The following NCKAP5 variants were observed in gnomAD, a reference collection of about 807,000 sequenced individuals.
NCKAP5 encodes the protein nck-associated protein 5.
NCKAP5 carries 92 observed loss-of-function variants against 167.0 expected under a neutral mutation model. That is an observed-to-expected ratio of 0.55 (90% CI 0.47 to 0.66). The LOEUF is 0.66. Ranked by LOEUF, NCKAP5 falls within the 30% of genes least tolerant of loss-of-function variation. The pLI, the probability that NCKAP5 is intolerant of heterozygous loss-of-function variation, is 0.00. For synonymous variants in NCKAP5, 891 were observed against 877.4 expected, an observed-to-expected ratio of 1.02 and a Z score of -0.27; for missense variants, 2,378 against 2,315.0, an observed-to-expected ratio of 1.03 and a Z score of -0.56.
intron 19 of NCKAP5, among the ~76,000 whole-genome samples, chr2:132,680,274 C>T (rs1162549719): frequency 3.9e-5 from 6 of 152,258 alleles, no homozygotes; most frequent in Admixed American, 6.5e-5. Context: ...ACCACACTCA[C>T]GGAGATGTGA....
chr2:133,558,655 A>C (rs563639191), intron 2 of NCKAP5, among the ~76,000 whole-genome samples: 1 of 145,600 alleles, frequency 6.9e-6, no homozygotes, highest in South Asian at 2.3e-4. Context: ...AACGAAATGC[A>C]GAGATGATAA....
chr2:133,655,434 C>G, the NCKAP5 span, among the ~76,000 whole-genome samples: 79 of 152,252 alleles, frequency 5.2e-4, no homozygotes, highest in African/African-American at 1.9e-3. Flanking sequence ...AGAACAGAGC[C>G]TCGTACATAC....
chr2:133,184,495 G>A (rs754880933), intron 5 of NCKAP5, among the ~76,000 whole-genome samples: 3 of 152,116 alleles, frequency 2.0e-5, no homozygotes, highest in Non-Finnish European at 4.4e-5. Context: ...TAATCGGATT[G>A]CGGGGTCCAA....
intron 3 of NCKAP5, among the ~76,000 whole-genome samples, chr2:133,498,247 G>C (rs1274716451): frequency 6.6e-6 from 1 of 152,102 alleles, no homozygotes; most frequent in Non-Finnish European, 1.5e-5. Flanking sequence ...CAGAAGTTAG[G>C]GTCAGAGCAA....
chr2:133,608,991 A>G, the NCKAP5 span, among the ~76,000 whole-genome samples: 2 of 152,216 alleles, frequency 1.3e-5, no homozygotes, highest in African/African-American at 4.8e-5. Context: ...TGCACAAACT[A>G]TCTAATCAGT....
intron 16 of NCKAP5, among the ~76,000 whole-genome samples, chr2:132,766,958 C>T (rs1163015906): frequency 3.3e-5 from 5 of 152,148 alleles, no homozygotes; most frequent in African/African-American, 7.2e-5. Flanking sequence ...GGATGATAAA[C>T]GCTTATAAGA....
chr2:132,786,272 T>A (rs1683561518), intron 13 of NCKAP5, among the ~76,000 whole-genome samples: 1 of 152,168 alleles, frequency 6.6e-6, no homozygotes, highest in Non-Finnish European at 1.5e-5. Flanking sequence ...GACTAGAAGA[T>A]GATATGGCCT....
At chr2:133,537,346 A>T (rs1480164044) in intron 2 of NCKAP5, among the ~76,000 whole-genome samples, 1 of 152,106 alleles carries the variant, frequency 6.6e-6, no homozygotes, top group Non-Finnish European at 1.5e-5. Context: ...TCTGCAAAAA[A>T]ATCCAACTGG....
intron 16 of NCKAP5, among the ~76,000 whole-genome samples, chr2:132,758,216 C>T (rs568331488): frequency 3.3e-5 from 5 of 152,060 alleles, no homozygotes; most frequent in African/African-American, 1.2e-4. Flanking sequence ...GCAAATGAAC[C>T]CTATTTGGTT....
chr2:133,068,636 AG>A (rs1273882626), intron 6 of NCKAP5, among the ~76,000 whole-genome samples: 1 of 152,114 alleles, frequency 6.6e-6, no homozygotes, highest in Non-Finnish European at 1.5e-5. Flanking sequence ...AAGTAGGAAA[AG>A]GGAAAATCAT....
At chr2:133,034,255 T>A (rs1395516957) in intron 6 of NCKAP5, among the ~76,000 whole-genome samples, 1 of 152,118 alleles carries the variant, frequency 6.6e-6, no homozygotes, top group Non-Finnish European at 1.5e-5. Context: ...CCTAGAATAG[T>A]ATATCCATTG....
chr2:132,944,148 T>C (rs775172753), intron 8 of NCKAP5, among the ~76,000 whole-genome samples: 5 of 152,140 alleles, frequency 3.3e-5, no homozygotes, highest in Non-Finnish European at 5.9e-5. Flanking sequence ...AGTGGTTATC[T>C]AGCCCAAAGA....
chr2:133,288,881 C>T (rs1248904414), intron 4 of NCKAP5, among the ~76,000 whole-genome samples: 1 of 152,148 alleles, frequency 6.6e-6, no homozygotes, highest in Admixed American at 6.5e-5. Context: ...TCATTCAACC[C>T]TTCAACTGGC....
chr2:132,936,699 G>GA (rs1386827673), intron 8 of NCKAP5, among the ~76,000 whole-genome samples: 1 of 151,670 alleles, frequency 6.6e-6, no homozygotes, highest in African/African-American at 2.4e-5. Context: ...CATACACATG[G>GA]AAAAAAAAGA....
intron 8 of NCKAP5, among the ~76,000 whole-genome samples, chr2:132,934,934 G>A (rs1228648721): frequency 6.6e-6 from 1 of 152,156 alleles, no homozygotes. Flanking sequence ...ACAGGTAGCT[G>A]CCCTAATTTG....
the NCKAP5 span, among the ~76,000 whole-genome samples, chr2:133,612,681 G>A: frequency 2.0e-5 from 3 of 152,272 alleles, no homozygotes; most frequent in East Asian, 3.9e-4. Flanking sequence ...ATATTGGTAT[G>A]TGGAAACAAT....
the NCKAP5 span, among the ~76,000 whole-genome samples, chr2:133,661,289 A>G: frequency 6.6e-6 from 1 of 152,258 alleles, no homozygotes; most frequent in Non-Finnish European, 1.5e-5. Context: ...TCAACTAGGA[A>G]CCTGGAAAAC....
intron 4 of NCKAP5, among the ~76,000 whole-genome samples, chr2:133,229,152 G>A (rs746254855): frequency 1.3e-5 from 2 of 152,154 alleles, no homozygotes; most frequent in Non-Finnish European, 2.9e-5. Context: ...CAATTGGTGG[G>A]CAAACAACAG....
chr2:133,320,208 T>C (rs757998422), intron 3 of NCKAP5, among the ~76,000 whole-genome samples: 2 of 152,222 alleles, frequency 1.3e-5, no homozygotes, highest in Non-Finnish European at 2.9e-5. Context: ...TATCATTTAA[T>C]ATTTATCAGA....
Sources: allele counts gnomAD v4.1 joint callset (sites outside exome capture counted in the v4.1 genomes callset), GRCh38; gene constraint gnomAD v4.1.1; transcripts MANE v1.5; gene names NCBI Gene and HGNC (gene_info 2026-07-23, HGNC 2026-07-21).